The following CNTNAP2 variants were observed in gnomAD, a reference collection of about 807,000 sequenced individuals.
CNTNAP2 encodes contactin associated protein 2.
Under a neutral mutation model 155.2 loss-of-function variants are expected in CNTNAP2, and 98 were observed. That is an observed-to-expected ratio of 0.63 (90% CI 0.54 to 0.75). The LOEUF (loss-of-function observed/expected upper bound fraction) is 0.75. Among genes scored for constraint, CNTNAP2 ranks in the 30% least tolerant of loss-of-function variants. The pLI is 0.00. For synonymous variants in CNTNAP2, 651 were observed against 631.2 expected (o/e 1.03, Z -0.47); for missense variants, 1,727 against 1,688.1 (o/e 1.02, Z -0.40).
intron 21 of CNTNAP2, 144 bp from the exon 22 acceptor site, chr7:148,383,505 C>A (rs1637842): frequency 1.7e-6 from 2 of 1,159,200 alleles, no homozygotes; most frequent in Non-Finnish European, 2.5e-6. Context: ...TCTTATCGAC[C>A]CATTAATATT....
intron 10 of CNTNAP2, among the ~76,000 whole-genome samples, chr7:147,471,512 A>G (rs1309920466): frequency 6.6e-6 from 1 of 152,234 alleles, no homozygotes; most frequent in Non-Finnish European, 1.5e-5. Context: ...TATTATATAG[A>G]ATCATGTTCT....
chr7:147,556,429 T>C (rs1276841637), intron 11 of CNTNAP2, among the ~76,000 whole-genome samples: 8 of 152,176 alleles, frequency 5.3e-5, no homozygotes, highest in Admixed American at 5.2e-4. Flanking sequence ...TATGTAACTT[T>C]ATATGGCAAA....
rs1392223528 is a variant in CNTNAP2 at position 147,832,380 on chromosome 7, T to C, written c.2099-71185T>C. Among the ~76,000 whole-genome samples the C allele has an allele frequency of 6.8e-5, 10 of 146,594 alleles. No homozygotes were observed. The East Asian group carries it at 2.0e-3, about 29-fold the overall frequency. On this transcript the variant is annotated intron_variant, in intron 13 of 23. Transcript: ENST00000361727. ...TAATATATTTAATATATATTATTTA[T>C]ACAGAATTATATATAATTAGGCTTA... is the stretch of plus-strand genomic sequence containing the variant.
intron 1 of CNTNAP2, among the ~76,000 whole-genome samples, chr7:146,582,421 C>A (rs1308008613): frequency 1.3e-5 from 2 of 151,806 alleles, no homozygotes; most frequent in African/African-American, 4.8e-5. Context: ...TAGAAGACAC[C>A]CCAAAGACAT....
intron 21 of CNTNAP2, among the ~76,000 whole-genome samples, chr7:148,368,871 A>G (rs1434474166): frequency 1.3e-5 from 2 of 152,194 alleles, no homozygotes; most frequent in Non-Finnish European, 2.9e-5. Context: ...TCTGGAGTCT[A>G]TAGATAACAT....
chr7:148,165,486 A>C (rs1303760179), intron 17 of CNTNAP2, among the ~76,000 whole-genome samples: 1 of 152,192 alleles, frequency 6.6e-6, no homozygotes. Flanking sequence ...TATTTAATTT[A>C]TTCCAACTAT....
chr7:146,800,786 A>C (rs931813433), intron 2 of CNTNAP2, among the ~76,000 whole-genome samples: 3 of 152,126 alleles, frequency 2.0e-5, no homozygotes, highest in African/African-American at 7.2e-5. Flanking sequence ...ATTATACTAG[A>C]TATAATCTCC....
chr7:147,127,303 A>G (rs1801260207), intron 6 of CNTNAP2, among the ~76,000 whole-genome samples: 1 of 151,488 alleles, frequency 6.6e-6, no homozygotes, highest in African/African-American at 2.4e-5. Flanking sequence ...CTTCTTATAT[A>G]TGAACTGTGT....
chr7:148,272,411 G>A (rs751756829), intron 21 of CNTNAP2, among the ~76,000 whole-genome samples: 1 of 152,166 alleles, frequency 6.6e-6, no homozygotes, highest in Non-Finnish European at 1.5e-5. Flanking sequence ...ACTTGAAGCC[G>A]AAAGTGGGGT....
chr7:146,117,247 T>C, intron 1 of CNTNAP2: 1 of 471,744 alleles, frequency 2.1e-6, no homozygotes, highest in Non-Finnish European at 3.9e-6. Context: ...GAGACTGATG[T>C]AGATGGCAGC....
intron 8 of CNTNAP2, among the ~76,000 whole-genome samples, chr7:147,235,901 C>T (rs1340902980): frequency 1.3e-5 from 2 of 152,122 alleles, no homozygotes; most frequent in East Asian, 3.8e-4. Flanking sequence ...CACAACAATA[C>T]TTAATTTGCT....
chr7:147,152,094 C>A (rs1408517129), intron 8 of CNTNAP2, among the ~76,000 whole-genome samples: 1 of 152,080 alleles, frequency 6.6e-6, no homozygotes, highest in Non-Finnish European at 1.5e-5. Context: ...TACAGCAATG[C>A]TGACATAGCC....
chr7:148,073,024 A>G (rs1157672710), intron 15 of CNTNAP2, among the ~76,000 whole-genome samples: 1 of 152,054 alleles, frequency 6.6e-6, no homozygotes, highest in Non-Finnish European at 1.5e-5. Flanking sequence ...TTGTATTTTA[A>G]GATGTGTCAT....
At position 148,145,523 on chromosome 7, in the gene CNTNAP2, T is replaced by C. The variant is rs1365596207; in HGVS notation, c.2555-1968T>C. ...AAACTCAATTTATCCCTAAATTCTATTTCCTTGATGGCAGTTGATGCCTTT... is the reference window on the plus strand; with the variant it reads ...AAACTCAATTTATCCCTAAATTCTACTTCCTTGATGGCAGTTGATGCCTTT... On this transcript the variant is annotated intron_variant, in intron 16 of 23. Coordinates refer to ENST00000361727, the MANE Select transcript of CNTNAP2 (RefSeq NM_014141.6). Among the ~76,000 whole-genome samples the C allele has an allele frequency of 2.6e-5, 4 of 152,312 alleles. No individual in the cohort carries two copies. In the East Asian group the frequency reaches 7.7e-4, roughly 29 times the overall value.
chr7:148,098,679 T>A (rs886536951), intron 15 of CNTNAP2, among the ~76,000 whole-genome samples: 28 of 151,846 alleles, frequency 1.8e-4, no homozygotes, highest in East Asian at 5.8e-4. Context: ...TTTAAAAAAA[T>A]TTTTTAAATT....
rs539774880 is a variant in CNTNAP2 at position 147,095,749 on chromosome 7, A to G, written c.551-12398A>G. Among the ~76,000 whole-genome samples, 3 of 152,288 alleles carry G rather than the reference A, an allele frequency of 2.0e-5. No individual in the cohort carries two copies. The South Asian group carries it at 6.2e-4, about 32-fold the overall frequency. Reference sequence around the variant, plus strand: ...AGAAAAACAATTTCCATTTTATTTCAGTACATCTTCCTAAAACTGGATCCT... The same window carrying G: ...AGAAAAACAATTTCCATTTTATTTCGGTACATCTTCCTAAAACTGGATCCT... On this transcript the variant is annotated intron_variant, in intron 4 of 23. Transcript: ENST00000361727.
At chr7:147,245,175 C>T (rs1414982689) in intron 8 of CNTNAP2, among the ~76,000 whole-genome samples, 1 of 151,788 alleles carries the variant, frequency 6.6e-6, no homozygotes, top group Admixed American at 6.6e-5. Flanking sequence ...CCTTGCTGGC[C>T]CTCAGAAGAG....
chr7:146,384,098 G>C (rs1218298932), intron 1 of CNTNAP2, among the ~76,000 whole-genome samples: 2 of 151,964 alleles, frequency 1.3e-5, no homozygotes, highest in Non-Finnish European at 2.9e-5. Flanking sequence ...TGCGGAGAAA[G>C]GAACAAAAAA....
intron 13 of CNTNAP2, among the ~76,000 whole-genome samples, chr7:147,725,954 A>G (rs534494849): frequency 6.6e-6 from 1 of 152,182 alleles, no homozygotes; most frequent in African/African-American, 2.4e-5. Context: ...AGCTTTGTAT[A>G]TTATCCCTCA....
Sources: gnomAD v4.1 joint callset for allele counts (sites outside exome capture counted in the v4.1 genomes callset) on GRCh38, gnomAD v4.1.1 for gene constraint, MANE v1.5 for transcripts, NCBI Gene and HGNC (gene_info 2026-07-23, HGNC 2026-07-21) for gene names.